The following MDGA2 variants were observed in gnomAD, a reference collection of about 807,000 sequenced individuals.
The protein encoded by MDGA2 is MAM domain containing glycosylphosphatidylinositol anchor 2.
Under a neutral mutation model 117.8 loss-of-function variants are expected in MDGA2, and 40 were observed. The observed-to-expected ratio is 0.34, with a 90% CI of 0.26 to 0.44. MDGA2 has a LOEUF of 0.44. MDGA2 is among the 20% of genes least tolerant of loss of function. The probability of loss-of-function intolerance (pLI) is 1.00; values close to 1 mark genes in which losing one functional copy is unlikely to be tolerated. For missense variants in MDGA2, 1,123 were observed against 1,250.6 expected (o/e 0.90, Z 1.54); for synonymous variants, 452 against 439.0 (o/e 1.03, Z -0.37).
intron 2 of MDGA2, among the ~76,000 whole-genome samples, chr14:47,295,375 G>C (rs1176442852): frequency 6.6e-6 from 1 of 152,142 alleles, no homozygotes; most frequent in African/African-American, 2.4e-5. Context: ...GAAATATTAA[G>C]AGTTCAAATG....
intron 8 of MDGA2, among the ~76,000 whole-genome samples, chr14:46,990,866 C>T (rs1959808): frequency 2.1e-5 from 3 of 140,804 alleles, no homozygotes; most frequent in Non-Finnish European, 4.7e-5. Flanking sequence ...ACACACACAC[C>T]CACACACACA....
Position 47,335,745 on chromosome 14 carries a change from T to TATATACACATAC in MDGA2, c.281-34196_281-34195insGTATGTGTATAT. Among the ~76,000 whole-genome samples the TATATACACATAC allele has an allele frequency of 7.7e-3, 738 of 95,586 alleles. 82 individuals carry two copies. The highest frequency in any genetic ancestry group is 0.029 in the African/African-American group (673 of 23,526). 62.7% of individuals were successfully genotyped at this position (95,586 alleles called of 152,430 possible). A position where few individuals can be genotyped will look rare whatever the true frequency, so the allele number is the denominator to read the frequency against. On this transcript the variant is annotated intron_variant, in intron 1 of 16. Coordinates refer to ENST00000399232, the MANE Select transcript of MDGA2 (RefSeq NM_001113498.3). ...TGCACACATATATTTTATATATATA[T>TATATACACATAC]ATACATACATACATACAGGATCACT...
chr14:47,133,930 AG>A (rs1343459420), intron 4 of MDGA2, among the ~76,000 whole-genome samples: 2 of 152,014 alleles, frequency 1.3e-5, no homozygotes, highest in African/African-American at 2.4e-5. Flanking sequence ...GTATAGCTTA[AG>A]AATGCAAGCA....
chr14:46,993,872 C>G (rs369457691), intron 8 of MDGA2, among the ~76,000 whole-genome samples: 1 of 152,080 alleles, frequency 6.6e-6, no homozygotes, highest in Non-Finnish European at 1.5e-5. Flanking sequence ...AAAGGTATTG[C>G]CTTTGTATTC....
At chr14:47,285,794 C>A (rs985126166) in intron 2 of MDGA2, among the ~76,000 whole-genome samples, 1 of 152,034 alleles carries the variant, frequency 6.6e-6, no homozygotes. Flanking sequence ...ATGCTTAATT[C>A]TTAGAGGTAA....
chr14:47,168,974 A>G (rs181309579), intron 3 of MDGA2, among the ~76,000 whole-genome samples: 2 of 152,080 alleles, frequency 1.3e-5, no homozygotes, highest in African/African-American at 4.8e-5. Context: ...GTACTCTTTT[A>G]TTGTCTCATT....
intron 2 of MDGA2, among the ~76,000 whole-genome samples, chr14:47,258,206 A>T (rs889510765): frequency 6.6e-6 from 1 of 152,152 alleles, no homozygotes; most frequent in African/African-American, 2.4e-5. Flanking sequence ...TACATGGTAT[A>T]TTAGACTGTC....
At chr14:47,607,259 A>T (rs1339168762) in intron 1 of MDGA2, among the ~76,000 whole-genome samples, 1 of 152,176 alleles carries the variant, frequency 6.6e-6, no homozygotes, top group Non-Finnish European at 1.5e-5. Flanking sequence ...AGAGATCAGC[A>T]TGGGGAAAAG....
chr14:47,159,769 C>G (rs112881377), intron 3 of MDGA2, among the ~76,000 whole-genome samples: 154 of 152,216 alleles, frequency 1.0e-3, no homozygotes, highest in African/African-American at 3.5e-3. Context: ...GAACTGTCTA[C>G]TTAGATCCTT....
chr14:47,556,685 T>G (rs1950391), intron 1 of MDGA2, among the ~76,000 whole-genome samples: 111,645 of 152,116 alleles, frequency 0.73, 41,611 homozygotes, highest in East Asian at 1. Context: ...ACAGTTATTG[T>G]AAAATTATCT....
chr14:47,600,442 T>A lies in MDGA2; in HGVS notation c.280+74075A>T, dbSNP rs542145589. On this transcript the variant is annotated intron_variant, in intron 1 of 16. Coordinates refer to ENST00000399232, the MANE Select transcript of MDGA2 (RefSeq NM_001113498.3). ...GAGCAAGATATTGTCTCAAAAAAAA[T>A]TTTAAAAATATCGTATATGGTTGTC... Among the ~76,000 whole-genome samples the A allele has an allele frequency of 5.3e-5, 8 of 152,000 alleles. No individual in the cohort carries two copies. In the South Asian group the frequency reaches 8.3e-4, roughly 16 times the overall value.
chr14:46,984,193 G>A (rs1886785055), intron 8 of MDGA2, among the ~76,000 whole-genome samples: 2 of 151,792 alleles, frequency 1.3e-5, no homozygotes, highest in Admixed American at 1.3e-4. Flanking sequence ...CATATACTCA[G>A]TATTTCATTT....
chr14:47,321,994 TG>T (rs1566737910), intron 1 of MDGA2, among the ~76,000 whole-genome samples: 1 of 152,204 alleles, frequency 6.6e-6, no homozygotes, highest in Non-Finnish European at 1.5e-5. Context: ...CTAGTTTATT[TG>T]TCATTAAAAT....
intron 3 of MDGA2, among the ~76,000 whole-genome samples, chr14:47,174,271 T>C (rs541750469): frequency 9.9e-5 from 15 of 152,206 alleles, no homozygotes; most frequent in Admixed American, 8.5e-4. Context: ...TACCCAGGAA[T>C]TGAACTCAGC....
chr14:47,069,736 A>G lies in MDGA2; in HGVS notation c.1196-8158T>C, dbSNP rs142285769. Among the ~76,000 whole-genome samples the G allele has an allele frequency of 9.4e-4, 143 of 152,356 alleles. 1 individual carries two copies. The highest frequency in any genetic ancestry group is 3.4e-3 in the African/African-American group (140 of 41,582). ...CTGTTTGTTTTGTTTCTTGAGATGT[A>G]GAATATTGCAACCAGATCCATGCAT... On this transcript the variant is annotated intron_variant, in intron 6 of 16. Coordinates refer to ENST00000399232, the MANE Select transcript of MDGA2 (RefSeq NM_001113498.3).
chr14:46,989,587 T>TA (rs1887005240), intron 8 of MDGA2, among the ~76,000 whole-genome samples: 1 of 152,082 alleles, frequency 6.6e-6, no homozygotes, highest in Non-Finnish European at 1.5e-5. Flanking sequence ...AAAGATCCAG[T>TA]AAACTACTGA....
intron 9 of MDGA2, among the ~76,000 whole-genome samples, chr14:46,949,079 T>G (rs1885276471): frequency 6.6e-6 from 1 of 152,106 alleles, no homozygotes; most frequent in Non-Finnish European, 1.5e-5. Context: ...TTAGCTTATT[T>G]GATAATCCTA....
At position 47,216,419 on chromosome 14, in the gene MDGA2, A is replaced by T. The variant is rs114049097; in HGVS notation, c.595+1602T>A. 2.3e-3 allele frequency among the ~76,000 whole-genome samples: 357 copies of T among 152,258 alleles called. 2 individuals are homozygous for T. The highest frequency in any genetic ancestry group is 8.3e-3 in the African/African-American group (345 of 41,588). Reference sequence around the variant, plus strand: ...AGCTGGATATTTGGCTATATTGTATAATCAAACACATTTCCTGGGCAAAAC... The same window carrying T: ...AGCTGGATATTTGGCTATATTGTATTATCAAACACATTTCCTGGGCAAAAC... On this transcript the variant is annotated intron_variant, in intron 3 of 16. Coordinates refer to ENST00000399232, the MANE Select transcript of MDGA2 (RefSeq NM_001113498.3).
intron 6 of MDGA2, among the ~76,000 whole-genome samples, chr14:47,091,721 T>C (rs1341980811): frequency 3.3e-5 from 5 of 150,198 alleles, no homozygotes; most frequent in African/African-American, 1.2e-4. Context: ...TATAGGCATG[T>C]GTCTGAGTTC....
Sources: allele counts gnomAD v4.1 joint callset (sites outside exome capture counted in the v4.1 genomes callset), GRCh38; gene constraint gnomAD v4.1.1; transcripts MANE v1.5; gene names NCBI Gene and HGNC (gene_info 2026-07-23, HGNC 2026-07-21).